Variants in DGKG observed in about 807,000 individuals in gnomAD.
DGKG encodes diacylglycerol kinase gamma.
Under a neutral mutation model 105.3 loss-of-function variants are expected in DGKG, and 78 were observed. The observed-to-expected ratio is 0.74, with a 90% CI of 0.62 to 0.89. The LOEUF (loss-of-function observed/expected upper bound fraction) is 0.89. Among genes scored for constraint, DGKG ranks in the 40% least tolerant of loss-of-function variants. DGKG has a pLI of 0.00. For synonymous variants in DGKG, 346 were observed against 367.1 expected (o/e 0.94, Z 0.66); for missense variants, 958 against 1,020.1 (o/e 0.94, Z 0.83).
chr3:186,311,397 C>T (rs1371197860), intron 2 of DGKG, among the ~76,000 whole-genome samples: 1 of 152,196 alleles, frequency 6.6e-6, no homozygotes, highest in Non-Finnish European at 1.5e-5. Context: ...CACCAAAGAA[C>T]TCTACCCAAC....
intron 20 of DGKG, among the ~76,000 whole-genome samples, chr3:186,239,753 C>T (rs1720585586): frequency 6.6e-6 from 1 of 152,176 alleles, no homozygotes; most frequent in Non-Finnish European, 1.5e-5. Context: ...TCCATGCTAC[C>T]TTGACCTCAG....
chr3:186,281,680 T>C (rs1208515414), intron 7 of DGKG, among the ~76,000 whole-genome samples: 1 of 152,056 alleles, frequency 6.6e-6, no homozygotes, highest in East Asian at 1.9e-4. Flanking sequence ...GGCCAGTAGA[T>C]GAGGGTAAGA....
At chr3:186,154,349 G>A (rs571662097) in intron 24 of DGKG, among the ~76,000 whole-genome samples, 378 of 151,774 alleles carry the variant, frequency 2.5e-3, no homozygotes, top group Non-Finnish European at 3.2e-3. Context: ...GCCTTCGAAT[G>A]TAAATGGACA....
Position 186,149,226 on chromosome 3 carries a change from G to A in DGKG, c.*864C>T. On this transcript the variant is annotated 3_prime_UTR_variant, in exon 25 of 25. Transcript: ENST00000265022. Reference sequence around the variant, plus strand: ...ACGCTTTGGCTTGAAAAAGAAAGAAGCTGGGGGTGGTTTTTTTTTTCCTTC... The same window carrying A: ...ACGCTTTGGCTTGAAAAAGAAAGAAACTGGGGGTGGTTTTTTTTTTCCTTC... The A allele has an allele frequency of 1.0e-6, 1 of 984,506 alleles. No individual in the cohort carries two copies. Among genetic ancestry groups the A allele is most frequent in the Non-Finnish European group, 1.2e-6 (1 of 829,688 alleles). The allele number at this position is 984,506 out of a possible 1,614,324, so 61.0% of individuals were successfully genotyped here. A position where few individuals can be genotyped will look rare whatever the true frequency, so the allele number is the denominator to read the frequency against.
rs373602313 is a variant in DGKG, at chr3:186,176,319, C to T, written c.2096-11301G>A. Among the ~76,000 whole-genome samples, 17 of 152,300 alleles carry T rather than the reference C, an allele frequency of 1.1e-4. No individual in the cohort carries two copies. The East Asian group carries it at 1.9e-3, about 17-fold the overall frequency. On this transcript the variant is annotated intron_variant, in intron 22 of 24. Transcript: ENST00000265022. ...CCTTAACTCAATCCTGATTCTCAGG[C>T]GTGGCATATACAAGGTACATTCCAG...
At chr3:186,156,904 T>C (rs1716063112) in intron 24 of DGKG, among the ~76,000 whole-genome samples, 2 of 152,222 alleles carry the variant, frequency 1.3e-5, no homozygotes, top group Admixed American at 1.3e-4. Flanking sequence ...TTTATTCTAT[T>C]AGCTTTTTAT....
intron 20 of DGKG, among the ~76,000 whole-genome samples, chr3:186,225,747 T>C (rs1719828824): frequency 1.3e-5 from 2 of 152,156 alleles, no homozygotes; most frequent in Non-Finnish European, 2.9e-5. Context: ...TGCCTCTGCA[T>C]GCGTTTGGAT....
intron 7 of DGKG, among the ~76,000 whole-genome samples, chr3:186,282,361 G>C (rs1366002922): frequency 6.6e-6 from 1 of 152,232 alleles, no homozygotes; most frequent in Admixed American, 6.5e-5. Context: ...CAGGGATTCC[G>C]GTGAAAGGTT....
At chr3:186,267,078 A>G (rs1722089004) in intron 13 of DGKG, among the ~76,000 whole-genome samples, 1 of 152,132 alleles carries the variant, frequency 6.6e-6, no homozygotes, top group African/African-American at 2.4e-5. Context: ...AAAGGAGCTT[A>G]ATTTTGCTGC....
intron 5 of DGKG, among the ~76,000 whole-genome samples, chr3:186,296,406 G>A (rs2108611916): frequency 6.6e-6 from 1 of 152,340 alleles, no homozygotes; most frequent in African/African-American, 2.4e-5. Flanking sequence ...AACTTGAGTT[G>A]ATAGTACTCA....
At chr3:186,278,625 T>C (rs1722693654) in intron 9 of DGKG, among the ~76,000 whole-genome samples, 1 of 152,188 alleles carries the variant, frequency 6.6e-6, no homozygotes, top group Non-Finnish European at 1.5e-5. Context: ...GTTCCTTGAT[T>C]TCTCCTTAGA....
chr3:186,255,106 C>T (rs146786218), intron 17 of DGKG, among the ~76,000 whole-genome samples: 3 of 152,372 alleles, frequency 2.0e-5, no homozygotes, highest in East Asian at 1.9e-4. Context: ...CAGAAATGAT[C>T]TCTTTGTACT....
intron 3 of DGKG, among the ~76,000 whole-genome samples, chr3:186,299,772 T>TCTTC (rs1491217279): frequency 7.2e-5 from 3 of 41,850 alleles, no homozygotes; most frequent in African/African-American, 3.0e-4. Flanking sequence ...CTTTTCTCTT[T>TCTTC]CTTTCTTTCT....
intron 1 of DGKG, among the ~76,000 whole-genome samples, chr3:186,345,453 G>A (rs537047342): frequency 2.6e-5 from 4 of 152,098 alleles, no homozygotes; most frequent in South Asian, 4.2e-4. Flanking sequence ...CTTCCTTACT[G>A]TCTCCTTTGT....
chr3:186,179,435 T>G (rs1430553845), intron 22 of DGKG, among the ~76,000 whole-genome samples: 1 of 152,208 alleles, frequency 6.6e-6, no homozygotes, highest in African/African-American at 2.4e-5. Flanking sequence ...AAGATCTGCA[T>G]TTCTATCTGG....
intron 20 of DGKG, among the ~76,000 whole-genome samples, chr3:186,227,477 A>C (rs745812111): frequency 1.3e-5 from 2 of 152,158 alleles, no homozygotes; most frequent in Non-Finnish European, 2.9e-5. Context: ...AAACTCAGGA[A>C]TTTGTGTCTG....
chr3:186,301,589 T>C (rs1361748467), intron 3 of DGKG, among the ~76,000 whole-genome samples: 2 of 152,240 alleles, frequency 1.3e-5, no homozygotes, highest in African/African-American at 4.8e-5. Context: ...ATGGCACCAC[T>C]GCACCCCAGC....
Position 186,361,471 on chromosome 3 carries a change from G to A in DGKG, c.-249+475C>T, listed in dbSNP as rs181048494. Among the ~76,000 whole-genome samples the A allele has an allele frequency of 5.1e-4, 78 of 152,286 alleles. 1 individual carries two copies. Among genetic ancestry groups the A allele is most frequent in the Middle Eastern group, 3.4e-3 (1 of 294 alleles). Reference sequence around the variant, plus strand: ...TTCCCTTTAAGTCGCCCTGCGCAGGGGCTTTGTGGAGTGCCCCCAAAGTCC... The same window carrying A: ...TTCCCTTTAAGTCGCCCTGCGCAGGAGCTTTGTGGAGTGCCCCCAAAGTCC... On this transcript the variant is annotated intron_variant, in intron 1 of 24. Transcript: ENST00000265022. The surrounding 1 kb of genome is among the most constrained non-coding windows in gnomAD (Gnocchi z 6.8).
chr3:186,334,009 A>G (rs1271766583), intron 1 of DGKG, among the ~76,000 whole-genome samples: 1 of 152,078 alleles, frequency 6.6e-6, no homozygotes, highest in Non-Finnish European at 1.5e-5. Flanking sequence ...TCTCCACTTC[A>G]TGAAGCGCTT....
Sources: allele counts gnomAD v4.1 joint callset (sites outside exome capture counted in the v4.1 genomes callset), GRCh38; gene constraint gnomAD v4.1.1; non-coding constraint Gnocchi (gnomAD v3.1); transcripts MANE v1.5; gene names NCBI Gene and HGNC (gene_info 2026-07-23, HGNC 2026-07-21).